Variants in WSCD1 observed in about 807,000 individuals in gnomAD.
The protein encoded by WSCD1 is WSC domain sialate O sulfotransferase 1.
Under a neutral mutation model 60.4 loss-of-function variants are expected in WSCD1, and 41 were observed. The ratio of observed to expected loss-of-function variants is 0.68; its 90% confidence interval spans 0.53 to 0.88. WSCD1 has a LOEUF of 0.88. Among genes scored for constraint, WSCD1 ranks in the 40% least tolerant of loss-of-function variants. The probability of loss-of-function intolerance (pLI) is 0.00; values close to 1 mark genes in which losing one functional copy is unlikely to be tolerated. For synonymous variants in WSCD1, 361 were observed against 332.5 expected (o/e 1.09, Z -0.93); for missense variants, 784 against 796.2 (o/e 0.98, Z 0.18).
At position 6,120,703 on chromosome 17, in the gene WSCD1, C is replaced by T. The variant is rs764496672; in HGVS notation, c.*42C>T. ...CGCCGCCCCCGCTGAGTGACGCAATCGCACCACGGGGCTGCGCTCCCCACT... is the reference window on the plus strand; with the variant it reads ...CGCCGCCCCCGCTGAGTGACGCAATTGCACCACGGGGCTGCGCTCCCCACT... On this transcript the variant is annotated 3_prime_UTR_variant, in exon 9 of 9. Transcript: ENST00000317744. The T allele has an allele frequency of 3.2e-6, 5 of 1,565,036 alleles. No individual in the cohort carries two copies. Among genetic ancestry groups the T allele is most frequent in the East Asian group, 2.3e-5 (1 of 44,430 alleles).
At chr17:6,098,565 T>C (rs1315915558) in intron 5 of WSCD1, among the ~76,000 whole-genome samples, 1 of 152,142 alleles carries the variant, frequency 6.6e-6, no homozygotes, top group Non-Finnish European at 1.5e-5. Flanking sequence ...GGCATCCAGG[T>C]TTCTCAGAAA....
chr17:6,108,361 T>G lies in WSCD1; in HGVS notation c.850-1246T>G, dbSNP rs535050956. Among the ~76,000 whole-genome samples, 6 of 152,256 alleles carry G rather than the reference T, an allele frequency of 3.9e-5. No individual in the cohort carries two copies. The South Asian group carries it at 1.2e-3, about 32-fold the overall frequency. ...AAGTTTTCTCCACCCACTGCCTCCCTCCCTGGCACACACACTCACAGATTA... is the reference window on the plus strand; with the variant it reads ...AAGTTTTCTCCACCCACTGCCTCCCGCCCTGGCACACACACTCACAGATTA... On this transcript the variant is annotated intron_variant, in intron 5 of 8. Transcript: ENST00000317744.
intron 8 of WSCD1, among the ~76,000 whole-genome samples, chr17:6,119,409 C>T (rs1392011349): frequency 3.9e-5 from 6 of 152,134 alleles, no homozygotes; most frequent in Middle Eastern, 3.2e-3. Flanking sequence ...TGGGTGGTGA[C>T]GAATAGAGTC....
intron 5 of WSCD1, among the ~76,000 whole-genome samples, chr17:6,098,690 T>A (rs1910607353): frequency 6.6e-6 from 1 of 152,238 alleles, no homozygotes; most frequent in African/African-American, 2.4e-5. Context: ...CTGAGTTCCA[T>A]TGTTTAGGGC....
Position 6,120,776 on chromosome 17 carries a change from G to C in WSCD1, c.*115G>C, listed in dbSNP as rs949014122. ...CACTGGGACGAACGGTGGGTGGGGG[G>C]CTCACCCTGGTGCTGCCTCCCGCAC... On this transcript the variant is annotated 3_prime_UTR_variant, in exon 9 of 9. Coordinates refer to ENST00000317744, the MANE Select transcript of WSCD1 (RefSeq NM_015253.2). 8 of 1,103,468 alleles carry C rather than the reference G, an allele frequency of 7.2e-6. No homozygotes were observed. Among genetic ancestry groups the C allele is most frequent in the South Asian group, 3.2e-5 (2 of 63,220 alleles). 68.4% of individuals were successfully genotyped at this position (1,103,468 alleles called of 1,614,324 possible).
In WSCD1 at chr17:6,118,218, A is replaced by C. The variant is rs1353685398; in HGVS notation, c.1375+30A>C. 1 of 1,610,072 alleles carries C rather than the reference A, an allele frequency of 6.2e-7. No homozygotes were observed. The highest frequency in any genetic ancestry group is 8.5e-7 in the Non-Finnish European group (1 of 1,178,200). On this transcript the variant is annotated intron_variant, in intron 8 of 8. Coordinates refer to ENST00000317744, the MANE Select transcript of WSCD1 (RefSeq NM_015253.2). This position sits in a 1 kb window ranked among gnomAD's most constrained non-coding sequence, Gnocchi z 5.8. ...TCAAGGACCTTGCGGTGGGGGTGGG[A>C]GGCTTGTCAGTACAGGTAGGTTGCT...
At chr17:6,087,162 A>G (rs1478965892) in intron 2 of WSCD1, among the ~76,000 whole-genome samples, 2 of 152,126 alleles carry the variant, frequency 1.3e-5, no homozygotes, top group African/African-American at 2.4e-5. Flanking sequence ...TGACATTTAC[A>G]TGCCTACCCG....
intron 1 of WSCD1, among the ~76,000 whole-genome samples, chr17:6,074,090 T>A (rs1597347793): frequency 6.6e-6 from 1 of 152,248 alleles, no homozygotes; most frequent in African/African-American, 2.4e-5. Context: ...ATTTTTTATT[T>A]ATATGAACCC....
rs1231405077 is a variant in WSCD1, at chr17:6,120,850, G to C, written c.*189G>C. On this transcript the variant is annotated 3_prime_UTR_variant, in exon 9 of 9. Coordinates refer to ENST00000317744, the MANE Select transcript of WSCD1 (RefSeq NM_015253.2). ...ACACATCACAAGGCGAACACAAATG[G>C]ACACACATACCTGGCCACGAACCCA... 1.6e-6 allele frequency: 1 copy of C among 631,814 alleles called. No homozygotes were observed. The highest frequency in any genetic ancestry group is 1.8e-5 in the African/African-American group (1 of 54,400). 39.1% of individuals were successfully genotyped at this position (631,814 alleles called of 1,614,324 possible).
Position 6,117,688 on chromosome 17 carries a change from A to G in WSCD1, c.1175-300A>G, listed in dbSNP as rs369410800. ...CCCAAAACATATGCGTGCATCTGCAATGACGGGTCTTCTGCCCTCTGACTC... is the reference window on the plus strand; with the variant it reads ...CCCAAAACATATGCGTGCATCTGCAGTGACGGGTCTTCTGCCCTCTGACTC... On this transcript the variant is annotated intron_variant, in intron 7 of 8. Coordinates refer to ENST00000317744, the MANE Select transcript of WSCD1 (RefSeq NM_015253.2). Among the ~76,000 whole-genome samples the G allele has an allele frequency of 1.8e-4, 28 of 152,362 alleles. 1 individual carries two copies. Among genetic ancestry groups the G allele is most frequent in the African/African-American group, 6.5e-4 (27 of 41,580 alleles).
rs1222815545 is a variant in WSCD1 at position 6,124,312 on chromosome 17, AAGAGATC to A, written c.*3653_*3659del. 4 of 152,262 alleles carry A rather than the reference AAGAGATC, an allele frequency of 2.6e-5. No individual in the cohort carries two copies. The highest frequency in any genetic ancestry group is 4.8e-5 in the African/African-American group (2 of 41,466). The allele number at this position is 152,262 out of a possible 1,614,324, so 9.4% of individuals were successfully genotyped here. The stretch of plus-strand genomic sequence containing the variant: ...ACTGAAGGGAGAGTTGAGAGGCAGA[AAGAGATC>A]AAGTCCTTGGTGAAATTGTTTAAGT... On this transcript the variant is annotated 3_prime_UTR_variant, in exon 9 of 9. Coordinates refer to ENST00000317744, the MANE Select transcript of WSCD1 (RefSeq NM_015253.2).
chr17:6,070,153 GGTGT>G (rs375644165), upstream of WSCD1, among the ~76,000 whole-genome samples: 2,399 of 142,278 alleles, frequency 0.017, 55 homozygotes, highest in African/African-American at 0.058. Flanking sequence ...CTGGGTGACT[GGTGT>G]GTGTGTGTGT....
intron 7 of WSCD1, among the ~76,000 whole-genome samples, chr17:6,113,744 C>G (rs886283529): frequency 1.3e-5 from 2 of 152,142 alleles, no homozygotes; most frequent in African/African-American, 2.4e-5. Context: ...AAAACATGCT[C>G]AGTATCACTA....
rs928919265 is a variant in WSCD1 at position 6,118,880 on chromosome 17, G to A, written c.1375+692G>A. Among the ~76,000 whole-genome samples the A allele has an allele frequency of 1.3e-5, 2 of 152,152 alleles. No homozygotes were observed. The highest frequency in any genetic ancestry group is 1.9e-4 in the East Asian group (1 of 5,188). On this transcript the variant is annotated intron_variant, in intron 8 of 8. Coordinates refer to ENST00000317744, the MANE Select transcript of WSCD1 (RefSeq NM_015253.2). The surrounding 1 kb of genome is among the most constrained non-coding windows in gnomAD (Gnocchi z 5.8). ...TGCCATAACAAAATACCACAAAACT[G>A]GGGGATGGGGCAGGGGGTGGTGCTT... is the stretch of plus-strand genomic sequence containing the variant.
intron 5 of WSCD1, among the ~76,000 whole-genome samples, chr17:6,108,281 T>G (rs1911213804): frequency 6.6e-6 from 1 of 152,178 alleles, no homozygotes; most frequent in Non-Finnish European, 1.5e-5. Context: ...TTTATGAGAT[T>G]TTTGCTGTGA....
chr17:6,073,194 G>T (rs1022693668), intron 1 of WSCD1, among the ~76,000 whole-genome samples: 2 of 152,182 alleles, frequency 1.3e-5, no homozygotes, highest in African/African-American at 4.8e-5. Flanking sequence ...CCACTCACTT[G>T]TCCACCTGTA....
chr17:6,123,235 C>G lies in WSCD1; in HGVS notation c.*2574C>G, dbSNP rs1160719879. 1 of 152,222 alleles carries G rather than the reference C, an allele frequency of 6.6e-6. No individual in the cohort carries two copies. 9.4% of individuals were successfully genotyped at this position (152,222 alleles called of 1,614,324 possible). ...AACAGAACAGAGAAACCCTGACTGTCTACAGATTCCAACTTTAATAGCAAG... is the reference window on the plus strand; with the variant it reads ...AACAGAACAGAGAAACCCTGACTGTGTACAGATTCCAACTTTAATAGCAAG... On this transcript the variant is annotated 3_prime_UTR_variant, in exon 9 of 9. Transcript: ENST00000317744.
rs73347081 is a variant in WSCD1, at chr17:6,118,035, G to A, written c.1222G>A (p.Val408Ile). The change falls in exon 8 of 9, where the codon GTC becomes ATC. Residue 408 changes from valine to isoleucine, a missense_variant. Val to Ile is a conservative substitution (Grantham distance 29, BLOSUM62 3). Coordinates refer to ENST00000317744, the MANE Select transcript of WSCD1 (RefSeq NM_015253.2). This position sits in a 1 kb window ranked among gnomAD's most constrained non-coding sequence, Gnocchi z 5.8. Reference protein sequence around the residue: ...DHWRSRRTICVKTHESGRREI... With the variant: ...DHWRSRRTICIKTHESGRREI... ...CTGGCGGAGCCGACGCACCATCTGTGTCAAAACCCACGAGAGTGGCAGGAG... is the reference window on the plus strand; with the variant it reads ...CTGGCGGAGCCGACGCACCATCTGTATCAAAACCCACGAGAGTGGCAGGAG... 9,391 of 1,614,160 alleles carry A rather than the reference G, an allele frequency of 5.8e-3. 100 individuals are homozygous for A. Among genetic ancestry groups the A allele is most frequent in the African/African-American group, 0.031 (2,362 of 75,040 alleles).
chr17:6,100,198 A>G (rs550751768), intron 5 of WSCD1, among the ~76,000 whole-genome samples: 4 of 152,314 alleles, frequency 2.6e-5, no homozygotes, highest in African/African-American at 7.2e-5. Flanking sequence ...GGGAACCCCC[A>G]GGGAGGAGGA....
Sources: allele counts gnomAD v4.1 joint callset (sites outside exome capture counted in the v4.1 genomes callset), GRCh38; gene constraint gnomAD v4.1.1; non-coding constraint Gnocchi (gnomAD v3.1); transcripts MANE v1.5; gene names NCBI Gene and HGNC (gene_info 2026-07-23, HGNC 2026-07-21).